The following CHRDL2 variants were observed in gnomAD, a reference collection of about 807,000 sequenced individuals.
The protein encoded by CHRDL2 is chordin like 2.
In CHRDL2, 41 loss-of-function variants were observed where a neutral mutation model predicts 54.3. That is an observed-to-expected ratio of 0.76 (90% CI 0.59 to 0.98). CHRDL2 has a LOEUF of 0.98. Among genes scored for constraint, CHRDL2 ranks in the 50% least tolerant of loss-of-function variants. The pLI is 0.00. For missense variants in CHRDL2, 518 were observed against 562.4 expected (o/e 0.92, Z 0.80); for synonymous variants, 220 against 224.3 (o/e 0.98, Z 0.17).
Position 74,730,846 on chromosome 11 carries a change from C to T in CHRDL2, c.43G>A (p.Ala15Thr), listed in dbSNP as rs141077727. ...GAGTCCAGGGGGAACCAGAGCAGCG[C>T]GAGTCCCAGCAAGGAGGAGAGGACC... ...VRVLSSLLGL[A>T]LLWFPLDSHA... The change falls in exon 1 of 11, where the codon GCG becomes ACG. Residue 15 changes from alanine to threonine, a missense_variant. Ala to Thr is a moderately conservative substitution (Grantham distance 58). Coordinates refer to ENST00000376332, the MANE Select transcript of CHRDL2 (RefSeq NM_001278473.3). 2.5e-3 allele frequency: 4,103 copies of T among 1,612,910 alleles called. 11 individuals carry two copies. The highest frequency in any genetic ancestry group is 3.2e-3 in the Non-Finnish European group (3,809 of 1,179,656).
chr11:74,696,922 G>C (rs762787730), intron 10 of CHRDL2, among the ~76,000 whole-genome samples: 1 of 152,188 alleles, frequency 6.6e-6, no homozygotes, highest in Non-Finnish European at 1.5e-5. Flanking sequence ...CAGTAGAGAG[G>C]GAGTGGGCAG....
At chr11:74,717,038 G>A (rs1197600480) in intron 2 of CHRDL2, among the ~76,000 whole-genome samples, 1 of 152,166 alleles carries the variant, frequency 6.6e-6, no homozygotes, top group Non-Finnish European at 1.5e-5. Context: ...AGGCTGCAGT[G>A]AGCTGAGATC....
intron 4 of CHRDL2, among the ~76,000 whole-genome samples, chr11:74,709,615 T>C (rs1281641197): frequency 7.2e-5 from 11 of 152,172 alleles, no homozygotes; most frequent in Non-Finnish European, 1.0e-4. Context: ...GCAGGCTGTT[T>C]GCTCTGCAGC....
intron 6 of CHRDL2, 53 bp from the exon 7 acceptor site, chr11:74,704,707 C>G (rs1267218261): frequency 6.4e-7 from 1 of 1,564,034 alleles, no homozygotes; most frequent in South Asian, 1.2e-5. Context: ...CAGGCCCCAG[C>G]TGGAGCCAGA....
chr11:74,718,083 AG>A (rs1381843451), intron 2 of CHRDL2, among the ~76,000 whole-genome samples: 14 of 152,294 alleles, frequency 9.2e-5, no homozygotes, highest in Admixed American at 8.5e-4. Context: ...TCTCTACCCC[AG>A]GTGGCTCAGC....
intron 5 of CHRDL2, among the ~76,000 whole-genome samples, chr11:74,707,155 T>C (rs2034037920): frequency 6.6e-6 from 1 of 152,216 alleles, no homozygotes; most frequent in Non-Finnish European, 1.5e-5. Context: ...CTCCACAGTC[T>C]GATTCCCACC....
At chr11:74,720,573 C>T (rs2034479214) in intron 1 of CHRDL2, among the ~76,000 whole-genome samples, 1 of 148,920 alleles carries the variant, frequency 6.7e-6, no homozygotes, top group South Asian at 2.1e-4. Context: ...CCCTGTTGGT[C>T]TAAAATGGAG....
intron 1 of CHRDL2, among the ~76,000 whole-genome samples, chr11:74,729,715 G>T (rs943960754): frequency 2.0e-5 from 3 of 152,208 alleles, no homozygotes; most frequent in African/African-American, 7.2e-5. Context: ...GGAACGCAGG[G>T]TCTTAATCCC....
intron 3 of CHRDL2, among the ~76,000 whole-genome samples, chr11:74,712,740 C>T (rs2034237608): frequency 6.6e-6 from 1 of 152,192 alleles, no homozygotes; most frequent in Admixed American, 6.5e-5. Context: ...AACCTCCCCT[C>T]CCACCTCCAA....
At chr11:74,727,571 ATTTCT>A (rs1197169267) in intron 1 of CHRDL2, among the ~76,000 whole-genome samples, 1 of 152,030 alleles carries the variant, frequency 6.6e-6, no homozygotes, top group African/African-American at 2.4e-5. Context: ...TGCCAGGCTA[ATTTCT>A]TTATTTTTTC....
intron 5 of CHRDL2, among the ~76,000 whole-genome samples, chr11:74,707,115 T>G (rs1357733809): frequency 2.6e-5 from 4 of 152,064 alleles, no homozygotes; most frequent in Admixed American, 2.0e-4. Flanking sequence ...TAAACCCGAG[T>G]GGGCCTCTCT....
At chr11:74,709,417 G>GC (rs2034114733) in intron 4 of CHRDL2, among the ~76,000 whole-genome samples, 1 of 152,126 alleles carries the variant, frequency 6.6e-6, no homozygotes, top group African/African-American at 2.4e-5. Flanking sequence ...ACTATTCTGA[G>GC]CCCGTTTCCT....
At chr11:74,710,316 T>G (rs2034145965) in intron 4 of CHRDL2, among the ~76,000 whole-genome samples, 1 of 152,166 alleles carries the variant, frequency 6.6e-6, no homozygotes, top group Admixed American at 6.5e-5. Context: ...GCTGAAGACT[T>G]TCCAGAGGAG....
At chr11:74,723,858 T>G (rs1256646358) in intron 1 of CHRDL2, among the ~76,000 whole-genome samples, 18 of 152,250 alleles carry the variant, frequency 1.2e-4, no homozygotes, top group Admixed American at 1.2e-3. Flanking sequence ...AATTTCCAAT[T>G]TAACATTTTG....
chr11:74,730,688 C>T (rs1327170379), intron 1 of CHRDL2, 119 bp downstream of exon 1: 3 of 952,478 alleles, frequency 3.1e-6, no homozygotes, highest in East Asian at 2.6e-5. Flanking sequence ...TCCACCCCTC[C>T]GGCACAGGTG....
intron 5 of CHRDL2, among the ~76,000 whole-genome samples, chr11:74,707,368 T>C (rs1218943146): frequency 3.3e-5 from 5 of 152,194 alleles, no homozygotes; most frequent in Admixed American, 1.3e-4. Flanking sequence ...AGCACTCCCC[T>C]ACCTGAGTGC....
At chr11:74,706,780 C>T (rs1169317202) in intron 5 of CHRDL2, among the ~76,000 whole-genome samples, 1 of 152,232 alleles carries the variant, frequency 6.6e-6, no homozygotes, top group Admixed American at 6.5e-5. Flanking sequence ...GCCTCAGTTT[C>T]CCTGTACTGA....
chr11:74,712,024 A>G (rs998392644), intron 3 of CHRDL2, among the ~76,000 whole-genome samples: 4 of 151,738 alleles, frequency 2.6e-5, no homozygotes, highest in Non-Finnish European at 5.9e-5. Context: ...GTTGGCCAGG[A>G]TGGTCTCAAT....
chr11:74,724,007 G>C (rs2034535816), intron 1 of CHRDL2, among the ~76,000 whole-genome samples: 1 of 152,044 alleles, frequency 6.6e-6, no homozygotes, highest in South Asian at 2.1e-4. Context: ...ACATTCATGG[G>C]CCTGGTACAT....
Sources: gnomAD v4.1 joint callset for allele counts (sites outside exome capture counted in the v4.1 genomes callset) on GRCh38, gnomAD v4.1.1 for gene constraint, MANE v1.5 for transcripts, NCBI Gene and HGNC (gene_info 2026-07-23, HGNC 2026-07-21) for gene names.